Variants in ITGB1BP1 observed in about 807,000 individuals in gnomAD.
The protein encoded by ITGB1BP1 is integrin subunit beta 1 binding protein 1.
ITGB1BP1 carries 20 observed loss-of-function variants against 28.0 expected under a neutral mutation model. That is an observed-to-expected ratio of 0.71 (90% CI 0.50 to 1.04). The LOEUF is 1.04. Ranked by LOEUF, ITGB1BP1 falls within the 50% of genes least tolerant of loss-of-function variation. The probability of loss-of-function intolerance (pLI) is 0.00; values close to 1 mark genes in which losing one functional copy is unlikely to be tolerated. For missense variants in ITGB1BP1, 228 were observed against 242.5 expected, an observed-to-expected ratio of 0.94 and a Z score of 0.40; for synonymous variants, 103 against 89.5, an observed-to-expected ratio of 1.15 and a Z score of -0.85.
intron 4 of ITGB1BP1, among the ~76,000 whole-genome samples, chr2:9,408,588 C>T (rs1677877808): frequency 6.6e-6 from 1 of 152,160 alleles, no homozygotes; most frequent in African/African-American, 2.4e-5. Flanking sequence ...GATCCACCCA[C>T]CATAACCTCC....
intron 1 of ITGB1BP1, among the ~76,000 whole-genome samples, chr2:9,422,232 T>C (rs1004858101): frequency 6.6e-6 from 1 of 152,240 alleles, no homozygotes; most frequent in African/African-American, 2.4e-5. Context: ...GCCACTAGCC[T>C]GCTGAAAATC....
In ITGB1BP1 at chr2:9,414,895, G is replaced by T. The variant is rs368393415; in HGVS notation, c.73-639C>A. 1.2e-4 allele frequency among the ~76,000 whole-genome samples: 19 copies of T among 152,270 alleles called. No individual in the cohort carries two copies. The South Asian group carries it at 1.9e-3, about 15-fold the overall frequency. The stretch of plus-strand genomic sequence containing the variant: ...AACAACAAAACTGTTGAGCAAAATA[G>T]AATCACATGTAAAGGGAGTTGTTCC... On this transcript the variant is annotated intron_variant, in intron 2 of 6. Coordinates refer to ENST00000355346, the MANE Select transcript of ITGB1BP1 (RefSeq NM_004763.5).
intron 2 of ITGB1BP1, among the ~76,000 whole-genome samples, chr2:9,416,552 C>T (rs1313947113): frequency 3.9e-5 from 6 of 152,192 alleles, no homozygotes; most frequent in Admixed American, 3.3e-4. Flanking sequence ...GTCTTCAGCC[C>T]GCCCTGCAGA....
rs1174649244 is a variant in ITGB1BP1, at chr2:9,404,874, TTTTTTG to T, written c.*1954_*1959del. The T allele has an allele frequency of 6.6e-6, 1 of 152,514 alleles. No individual in the cohort carries two copies. Among genetic ancestry groups the T allele is most frequent in the African/African-American group, 2.4e-5 (1 of 41,424 alleles). The allele number at this position is 152,514 out of a possible 1,614,324, so 9.4% of individuals were successfully genotyped here. On this transcript the variant is annotated 3_prime_UTR_variant, in exon 7 of 7. Transcript: ENST00000355346. ...GGGTAAAAATGTGTTATATCTGTAG[TTTTTTG>T]TTTTTGTTTTTTTTTAAAGCACTAC... is the stretch of plus-strand genomic sequence containing the variant.
Position 9,407,905 on chromosome 2 carries a change from G to A in ITGB1BP1, c.381+208C>T, listed in dbSNP as rs1677761628. 8.9e-6 allele frequency: 5 copies of A among 564,768 alleles called. No homozygotes were observed. In the South Asian group the frequency reaches 1.2e-4, roughly 13 times the overall value. The allele number at this position is 564,768 out of a possible 1,614,324, so 35.0% of individuals were successfully genotyped here. On this transcript the variant is annotated intron_variant, in intron 5 of 6. Transcript: ENST00000355346. The stretch of plus-strand genomic sequence containing the variant: ...ATCTGTGTGTTTGGGGGTGGGGGGG[G>A]CAGGTTGCATGGGCCCTTCCAACAC...
intron 4 of ITGB1BP1, among the ~76,000 whole-genome samples, chr2:9,409,217 A>G (rs1458187441): frequency 6.6e-6 from 1 of 152,364 alleles, no homozygotes; most frequent in East Asian, 1.9e-4. Context: ...CGCTGTTGGC[A>G]ACCTATGGAT....
chr2:9,417,061 G>T (rs935728087), intron 2 of ITGB1BP1, among the ~76,000 whole-genome samples: 1 of 151,514 alleles, frequency 6.6e-6, no homozygotes, highest in African/African-American at 2.4e-5. Context: ...CATCCTCCCC[G>T]GCAGTCTCTC....
intron 4 of ITGB1BP1, 114 bp from the exon 5 acceptor site, chr2:9,408,319 G>C (rs1238656803): frequency 1.8e-5 from 12 of 671,128 alleles, no homozygotes; most frequent in Admixed American, 2.5e-5. Flanking sequence ...TAAAGAATGT[G>C]GGGTACACAT....
rs1247880814 is a variant in ITGB1BP1 at position 9,405,615 on chromosome 2, A to ATAAG, written c.*1215_*1218dup. 3 of 152,668 alleles carry ATAAG rather than the reference A, an allele frequency of 2.0e-5. No individual in the cohort carries two copies. The highest frequency in any genetic ancestry group is 4.4e-5 in the Non-Finnish European group (3 of 68,052). 9.5% of individuals were successfully genotyped at this position (152,668 alleles called of 1,614,324 possible). A position where few individuals can be genotyped will look rare whatever the true frequency, so the allele number is the denominator to read the frequency against. On this transcript the variant is annotated 3_prime_UTR_variant, in exon 7 of 7. Coordinates refer to ENST00000355346, the MANE Select transcript of ITGB1BP1 (RefSeq NM_004763.5). Reference sequence around the variant, plus strand: ...GTGATTTATAATTAGAGCATGTTTAATAAGTTTACTCTTCTTGTTAACTAG... The same window carrying ATAAG: ...GTGATTTATAATTAGAGCATGTTTAATAAGTAAGTTTACTCTTCTTGTTAACTAG...
At position 9,412,277 on chromosome 2, in the gene ITGB1BP1, C is replaced by A. The variant is rs764588492; in HGVS notation, c.280G>T (p.Val94Phe). Residue 94 changes from valine to phenylalanine, a missense_variant, in exon 4 of 7, where the codon GTT (valine) becomes TTT (phenylalanine). This residue lies in a region of ITGB1BP1 where 192 missense variants were observed against 181.6 expected (regional missense o/e 1.06). Transcript: ENST00000355346. ...GAATTTTTTTTTTTTACCTGGGCAA[C>A]GTCTATATAATTTATCAGGTCTAAT... ...GPLDLINYIDVAQQDGKLPFV... is the reference protein window; with the variant it reads ...GPLDLINYIDFAQQDGKLPFV... 6.2e-7 allele frequency: 1 copy of A among 1,606,624 alleles called. No individual in the cohort carries two copies. Among genetic ancestry groups the A allele is most frequent in the Admixed American group, 1.7e-5 (1 of 59,112 alleles).
chr2:9,410,869 T>C (rs925219898), intron 4 of ITGB1BP1, among the ~76,000 whole-genome samples: 2 of 152,206 alleles, frequency 1.3e-5, no homozygotes, highest in Admixed American at 6.5e-5. Flanking sequence ...TGAGCCACCA[T>C]GCCCTGCCAC....
Position 9,406,891 on chromosome 2 carries a change from G to C in ITGB1BP1, c.546C>G (p.Ala182=), listed in dbSNP as rs140449128. ...YQCNSLEQAQ[A]ICKVLSTAFD... The stretch of plus-strand genomic sequence containing the variant: ...AAGCGGTGGATAAAACCTTGCAAAT[G>C]GCTTGTGCTTGTTCCTACATTACAT... Residue 182 remains alanine (A), a synonymous_variant, in exon 7 of 7, where the codon GCC becomes GCG. Transcript: ENST00000355346. 1.2e-6 allele frequency: 2 copies of C among 1,612,032 alleles called. No individual in the cohort carries two copies. The highest frequency in any genetic ancestry group is 2.7e-5 in the African/African-American group (2 of 74,872).
rs1677100400 is a variant in ITGB1BP1 at position 9,405,088 on chromosome 2, C to A, written c.*1746G>T. The A allele has an allele frequency of 6.6e-6, 1 of 152,412 alleles. No individual in the cohort carries two copies. The highest frequency in any genetic ancestry group is 2.4e-5 in the African/African-American group (1 of 41,416). 9.4% of individuals were successfully genotyped at this position (152,412 alleles called of 1,614,324 possible). A position where few individuals can be genotyped will look rare whatever the true frequency, so the allele number is the denominator to read the frequency against. On this transcript the variant is annotated 3_prime_UTR_variant, in exon 7 of 7. Coordinates refer to ENST00000355346, the MANE Select transcript of ITGB1BP1 (RefSeq NM_004763.5). ...AGCTATATAAGGAATAAAGTTGATTCATATCAACATTAGAACTCCAGTCCC... is the reference window on the plus strand; with the variant it reads ...AGCTATATAAGGAATAAAGTTGATTAATATCAACATTAGAACTCCAGTCCC...
chr2:9,406,665 G>A lies in ITGB1BP1; in HGVS notation c.*169C>T. 1.6e-6 allele frequency: 1 copy of A among 621,012 alleles called. No individual in the cohort carries two copies. Among genetic ancestry groups the A allele is most frequent in the African/African-American group, 1.8e-5 (1 of 54,524 alleles). 38.5% of individuals were successfully genotyped at this position (621,012 alleles called of 1,614,324 possible). ...TGACTTCATTGAGAGTTAACTCACTGTGTAATAGGACACATTTTAATAAAC... is the reference window on the plus strand; with the variant it reads ...TGACTTCATTGAGAGTTAACTCACTATGTAATAGGACACATTTTAATAAAC... On this transcript the variant is annotated 3_prime_UTR_variant, in exon 7 of 7. Transcript: ENST00000355346.
rs1245933760 is a variant in ITGB1BP1, at chr2:9,404,411, A to AG, written c.*2422dup. ...CAAACATCCCACTTTTTACTGTTTC[A>AG]GGCCATCATATCATTCTTAAGCTAC... On this transcript the variant is annotated 3_prime_UTR_variant, in exon 7 of 7. Transcript: ENST00000355346. The AG allele has an allele frequency of 6.6e-6, 1 of 152,244 alleles. No homozygotes were observed. The highest frequency in any genetic ancestry group is 2.4e-5 in the African/African-American group (1 of 41,472). 9.4% of individuals were successfully genotyped at this position (152,244 alleles called of 1,614,324 possible). A position where few individuals can be genotyped will look rare whatever the true frequency, so the allele number is the denominator to read the frequency against.
chr2:9,407,900 G>GC (rs1677757919), intron 5 of ITGB1BP1: 1 of 569,308 alleles, frequency 1.8e-6, no homozygotes, highest in Non-Finnish European at 3.1e-6. Flanking sequence ...TTGGGGGTGG[G>GC]GGGGGCAGGT....
Position 9,404,072 on chromosome 2 carries a change from T to C in ITGB1BP1, c.*2762A>G, listed in dbSNP as rs1267754458. ...TAAGGATGATGGATTGCAAAACAGTTCTTTTAAATTAGTTTATATGCTTTA... is the reference window on the plus strand; with the variant it reads ...TAAGGATGATGGATTGCAAAACAGTCCTTTTAAATTAGTTTATATGCTTTA... On this transcript the variant is annotated 3_prime_UTR_variant, in exon 7 of 7. Coordinates refer to ENST00000355346, the MANE Select transcript of ITGB1BP1 (RefSeq NM_004763.5). 3 of 152,248 alleles carry C rather than the reference T, an allele frequency of 2.0e-5. No homozygotes were observed. The highest frequency in any genetic ancestry group is 4.4e-5 in the Non-Finnish European group (3 of 68,048). The allele number at this position is 152,248 out of a possible 1,614,324, so 9.4% of individuals were successfully genotyped here.
At chr2:9,412,056 A>G in intron 4 of ITGB1BP1, 1 of 466,164 alleles carries the variant, frequency 2.1e-6, no homozygotes, top group South Asian at 3.0e-5. Context: ...AAAAAAAAAA[A>G]AAAAAAAGTA....
chr2:9,413,351 T>C (rs1355728193), intron 3 of ITGB1BP1, among the ~76,000 whole-genome samples: 3 of 152,098 alleles, frequency 2.0e-5, no homozygotes, highest in African/African-American at 7.2e-5. Flanking sequence ...TTTTTTGAGA[T>C]GGAGTCTTAT....
Sources: allele counts gnomAD v4.1 joint callset (sites outside exome capture counted in the v4.1 genomes callset), GRCh38; gene constraint gnomAD v4.1.1; regional missense constraint gnomAD v4.1.1; transcripts MANE v1.5; gene names NCBI Gene and HGNC (gene_info 2026-07-23, HGNC 2026-07-21).